Variants in LGALS12 observed in about 807,000 individuals in gnomAD.
The protein encoded by LGALS12 is galectin-12.
Under a neutral mutation model 36.8 loss-of-function variants are expected in LGALS12, and 36 were observed. That is an observed-to-expected ratio of 0.98 (90% confidence interval 0.75 to 1.29). The LOEUF (loss-of-function observed/expected upper bound fraction) is 1.29, where lower values mean the gene tolerates loss of function less well. LGALS12 is among the 50% of genes most tolerant of loss of function. The pLI, the probability that LGALS12 is intolerant of heterozygous loss-of-function variation, is 0.00. For missense variants in LGALS12, 366 were observed against 394.3 expected (o/e 0.93, Z 0.61); for synonymous variants, 145 against 155.9 (o/e 0.93, Z 0.52).
Position 63,506,194 on chromosome 11 carries a change from T to G in LGALS12, c.-265T>G. On this transcript the variant is annotated 5_prime_UTR_variant, in exon 1 of 9. Transcript: ENST00000394618. Reference sequence around the variant, plus strand: ...TTGGTTAATGCCAGTCTTCCTCCCCTGGACACTGAGTTCTGCTGACAGCCC... The same window carrying G: ...TTGGTTAATGCCAGTCTTCCTCCCCGGGACACTGAGTTCTGCTGACAGCCC... 1 of 596,786 alleles carries G rather than the reference T, an allele frequency of 1.7e-6. No homozygotes were observed. Among genetic ancestry groups the G allele is most frequent in the Non-Finnish European group, 3.0e-6 (1 of 338,804 alleles). 37.0% of individuals were successfully genotyped at this position (596,786 alleles called of 1,614,324 possible).
Position 63,510,011 on chromosome 11 carries a change from G to A in LGALS12, c.492+114G>A, listed in dbSNP as rs539096957. Reference sequence around the variant, plus strand: ...TAGACTGAGAGAGAGGACGCCCTGTGCACCAGTAATAGCCAAGGGGGAGGG... The same window carrying A: ...TAGACTGAGAGAGAGGACGCCCTGTACACCAGTAATAGCCAAGGGGGAGGG... On this transcript the variant is annotated intron_variant, in intron 4 of 8. Coordinates refer to ENST00000394618, the MANE Select transcript of LGALS12 (RefSeq NM_033101.4). 27 of 1,303,904 alleles carry A rather than the reference G, an allele frequency of 2.1e-5. No homozygotes were observed. In the South Asian group the frequency reaches 3.9e-4, roughly 19 times the overall value. 80.8% of individuals were successfully genotyped at this position (1,303,904 alleles called of 1,614,324 possible).
At chr11:63,508,465 T>G in intron 1 of LGALS12, 88 bp from the exon 2 acceptor site, 1 of 1,555,086 alleles carries the variant, frequency 6.4e-7, no homozygotes. Flanking sequence ...TTGAGTTTTA[T>G]TCTGCTCCTT....
chr11:63,515,820 G>A (rs2017065014), intron 8 of LGALS12, 107 bp downstream of exon 8: 4 of 1,234,520 alleles, frequency 3.2e-6, no homozygotes, highest in Non-Finnish European at 3.4e-6. Flanking sequence ...GATGTTATGG[G>A]GTGGGAGGCC....
At chr11:63,511,935 C>T (rs2016938349) in intron 7 of LGALS12, 95 bp downstream of exon 7, 3 of 839,676 alleles carry the variant, frequency 3.6e-6, no homozygotes, top group African/African-American at 1.7e-5. Flanking sequence ...CCTAGCACCA[C>T]CATTTAATCC....
In LGALS12 at chr11:63,515,679, C is replaced by A. The variant is rs2134338554; in HGVS notation, c.764C>A (p.Ala255Asp). ...TGGGGGCAGAAGAAACTGATCTCAG[C>A]CCCCTTCCTCTTTTACCCCCAGAGA... ...SRWGQKKLIS[A>D]PFLFYPQRFF... Residue 255 changes from alanine (A) to aspartate (D), a missense_variant, in exon 8 of 9, where the codon GCC (alanine) becomes GAC (aspartate). Transcript: ENST00000394618. 1.2e-6 allele frequency: 2 copies of A among 1,614,182 alleles called. No individual in the cohort carries two copies. Among genetic ancestry groups the A allele is most frequent in the Non-Finnish European group, 8.5e-7 (1 of 1,180,016 alleles).
intron 4 of LGALS12, 108 bp downstream of exon 4, chr11:63,510,005 C>T (rs1361558442): frequency 8.3e-6 from 11 of 1,333,312 alleles, no homozygotes; most frequent in African/African-American, 1.5e-5. Context: ...AGAGAGGACG[C>T]CCTGTGCACC....
chr11:63,516,473 C>T lies in LGALS12; in HGVS notation c.*80C>T, dbSNP rs1221037588. 1.3e-6 allele frequency: 2 copies of T among 1,519,410 alleles called. No individual in the cohort carries two copies. Among genetic ancestry groups the T allele is most frequent in the South Asian group, 2.3e-5 (2 of 88,198 alleles). 94.1% of individuals were successfully genotyped at this position (1,519,410 alleles called of 1,614,324 possible). A position where few individuals can be genotyped will look rare whatever the true frequency, so the allele number is the denominator to read the frequency against. On this transcript the variant is annotated 3_prime_UTR_variant, in exon 9 of 9. Transcript: ENST00000394618. ...GCCCCACTCTCCTCCCCTCATTAAA[C>T]CATCCACCTGACACCAGCACATCAG...
In LGALS12 at chr11:63,508,613, C is replaced by A. The variant is rs1168155529; in HGVS notation, c.130C>A (p.Gln44Lys). The A allele has an allele frequency of 6.2e-6, 10 of 1,614,150 alleles. No homozygotes were observed. Among genetic ancestry groups the A allele is most frequent in the Non-Finnish European group, 8.5e-6 (10 of 1,180,026 alleles). ...GLHAGKMVMLQGVVPLDAHRF... is the reference protein window; with the variant it reads ...GLHAGKMVMLKGVVPLDAHRF... ...GCATGCAGGCAAGATGGTCATGCTGCAAGGAGTGGTCCCTCTAGATGCACA... is the reference window on the plus strand; with the variant it reads ...GCATGCAGGCAAGATGGTCATGCTGAAAGGAGTGGTCCCTCTAGATGCACA... The change falls in exon 2 of 9, where the codon CAA becomes AAA. Residue 44 changes from glutamine (Q) to lysine (K), a missense_variant. Coordinates refer to ENST00000394618, the MANE Select transcript of LGALS12 (RefSeq NM_033101.4).
chr11:63,513,179 G>A (rs1010448448), intron 7 of LGALS12, among the ~76,000 whole-genome samples: 6 of 152,118 alleles, frequency 3.9e-5, no homozygotes, highest in South Asian at 2.1e-4. Context: ...TTTCCCTACC[G>A]GAAAAAGGTG....
chr11:63,508,381 G>T, intron 1 of LGALS12, 172 bp from the exon 2 acceptor site: 7 of 1,444,834 alleles, frequency 4.8e-6, no homozygotes, highest in South Asian at 1.5e-5. Context: ...CAGGAAAGGG[G>T]ATTAGGTGGA....
rs564526289 is a variant in LGALS12, at chr11:63,509,088, T to C, written c.372+97T>C. The C allele has an allele frequency of 9.1e-5, 91 of 997,236 alleles. No homozygotes were observed. In the African/African-American group the frequency reaches 1.2e-3, roughly 14 times the overall value. 61.8% of individuals were successfully genotyped at this position (997,236 alleles called of 1,614,324 possible). ...CCCCACGACACAATGTTGAGTGGCA[T>C]TGGTAGTGGTCAGGTACCAAGAGGA... On this transcript the variant is annotated intron_variant, in intron 3 of 8. Transcript: ENST00000394618.
Position 63,516,566 on chromosome 11 carries a change from A to G in LGALS12, c.*173A>G. On this transcript the variant is annotated 3_prime_UTR_variant, in exon 9 of 9. Transcript: ENST00000394618. Reference sequence around the variant, plus strand: ...CTTTGGGCCTGAGGGAAGGCACAAGAGTGCAAAGGTTCCTCGAACTCTGCA... The same window carrying G: ...CTTTGGGCCTGAGGGAAGGCACAAGGGTGCAAAGGTTCCTCGAACTCTGCA... 1.4e-6 allele frequency: 1 copy of G among 715,648 alleles called. No individual in the cohort carries two copies. Among genetic ancestry groups the G allele is most frequent in the Non-Finnish European group, 2.3e-6 (1 of 432,576 alleles). 44.3% of individuals were successfully genotyped at this position (715,648 alleles called of 1,614,324 possible).
intron 1 of LGALS12, chr11:63,508,107 T>C (rs945312172): frequency 4.9e-6 from 5 of 1,026,860 alleles, no homozygotes; most frequent in Non-Finnish European, 5.9e-6. Context: ...CAGGGGTCCA[T>C]TTCAGAGTTA....
chr11:63,515,419 C>A, intron 7 of LGALS12, 144 bp from the exon 8 acceptor site: 1 of 836,750 alleles, frequency 1.2e-6, no homozygotes. Flanking sequence ...ATGAGGCTGT[C>A]ATAGGCCCTC....
intron 7 of LGALS12, among the ~76,000 whole-genome samples, chr11:63,513,775 G>C (rs768925413): frequency 6.6e-6 from 1 of 152,198 alleles, no homozygotes; most frequent in East Asian, 1.9e-4. Flanking sequence ...TTCCCTCCTC[G>C]TTATTGAGTG....
intron 3 of LGALS12, 65 bp from the exon 4 acceptor site, chr11:63,509,713 G>A (rs915409399): frequency 6.4e-7 from 1 of 1,573,516 alleles, no homozygotes; most frequent in Non-Finnish European, 8.7e-7. Context: ...GGCAATGCCT[G>A]GGACATTGTT....
rs754114651 is a variant in LGALS12, at chr11:63,508,849, G to A, written c.230G>A (p.Arg77His). 1.5e-5 allele frequency: 24 copies of A among 1,614,052 alleles called. No homozygotes were observed. The highest frequency in any genetic ancestry group is 6.7e-5 in the East Asian group (3 of 44,896). The change falls in exon 3 of 9, where the codon CGC (arginine) becomes CAC (histidine). Residue 77 changes from arginine to histidine, a missense_variant. Coordinates refer to ENST00000394618, the MANE Select transcript of LGALS12 (RefSeq NM_033101.4). ...GATATCGCCTTCCACTTCAACCCTC[G>A]CTTCCATACCACCAAGCCCCATGTC... ...RPDIAFHFNP[R>H]FHTTKPHVIC...
Position 63,510,489 on chromosome 11 carries a change from C to A in LGALS12, c.519C>A (p.Tyr173Ter), listed in dbSNP as rs766800241. The change falls in exon 5 of 9, where the codon TAC (tyrosine) becomes TAA (stop). Residue 173 changes from tyrosine to a stop codon, truncating the protein, a stop_gained. Coordinates refer to ENST00000394618, the MANE Select transcript of LGALS12 (RefSeq NM_033101.4). LOFTEE classifies it high-confidence loss of function. ...INPFVEGSRE[Y>*]PAGHPFLLMS... ...CATTTGTGGAGGGCAGCAGAGAGTA[C>A]CCAGCTGGACATGTGAGTTTCTTGG... is the stretch of plus-strand genomic sequence containing the variant. 1.2e-6 allele frequency: 2 copies of A among 1,614,124 alleles called. No individual in the cohort carries two copies. The highest frequency in any genetic ancestry group is 1.7e-5 in the Admixed American group (1 of 60,012).
rs12276605 is a variant in LGALS12, at chr11:63,509,171, G to A, written c.372+180G>A. Reference sequence around the variant, plus strand: ...CCTGGGCCCACATGGCAGCAAGAAAGCTCTACAGTGCCTGGCTCCAAAGAG... The same window carrying A: ...CCTGGGCCCACATGGCAGCAAGAAAACTCTACAGTGCCTGGCTCCAAAGAG... On this transcript the variant is annotated intron_variant, in intron 3 of 8. Coordinates refer to ENST00000394618, the MANE Select transcript of LGALS12 (RefSeq NM_033101.4). Among the ~76,000 whole-genome samples the A allele has an allele frequency of 3.9e-3, 598 of 152,336 alleles. 3 individuals carry two copies. The highest frequency in any genetic ancestry group is 0.014 in the African/African-American group (569 of 41,582).
Sources: gnomAD v4.1 joint callset for allele counts (sites outside exome capture counted in the v4.1 genomes callset) on GRCh38, gnomAD v4.1.1 for gene constraint, MANE v1.5 for transcripts, NCBI Gene and HGNC (gene_info 2026-07-23, HGNC 2026-07-21) for gene names.